TBL1X: variants seen among roughly 807,000 people sequenced by gnomAD.
The protein encoded by TBL1X is transducin beta like 1 X-linked.
In TBL1X, 10 loss-of-function variants were observed where a neutral mutation model predicts 50.7. The ratio of observed to expected loss-of-function variants is 0.20; its 90% CI spans 0.12 to 0.33. The LOEUF (loss-of-function observed/expected upper bound fraction) is 0.33, where lower values mean the gene tolerates loss of function less well. Among genes scored for constraint, TBL1X ranks in the 10% least tolerant of loss-of-function variants. The pLI is 1.00. For missense variants in TBL1X, 340 were observed against 504.4 expected (o/e 0.67, Z 3.12); for synonymous variants, 190 against 214.7 (o/e 0.88, Z 1.01).
At chrX:9,491,334 A>ATTT (rs1403355557) in intron 1 of TBL1X, among the ~76,000 whole-genome samples, 6 of 23,381 alleles carry the variant, frequency 2.6e-4, no homozygotes, top group African/African-American at 7.4e-4. Context: ...ATATATATAT[A>ATTT]TATATTTTTT....
intron 2 of TBL1X, chrX:9,530,985 C>T (rs1235665657): frequency 8.9e-6 from 1 of 112,100 alleles, no homozygotes; most frequent in Non-Finnish European, 1.9e-5. Flanking sequence ...AGCCCCGCCC[C>T]TCCGTCAGCA....
At chrX:9,668,373 G>GAAA (rs749335254) in intron 5 of TBL1X, among the ~76,000 whole-genome samples, 1 of 90,443 alleles carries the variant, frequency 1.1e-5, no homozygotes. Flanking sequence ...ATTGGAATAG[G>GAAA]AAAAAAAAAA....
At chrX:9,486,692 A>G (rs1488525917) in intron 1 of TBL1X, among the ~76,000 whole-genome samples, 1 of 108,485 alleles carries the variant, frequency 9.2e-6, no homozygotes, top group East Asian at 2.9e-4. Flanking sequence ...CCTAAAATGT[A>G]TAAAACCAAG....
chrX:9,659,886 T>G (rs757253112), intron 5 of TBL1X, among the ~76,000 whole-genome samples: 65 of 112,620 alleles, frequency 5.8e-4, no homozygotes, highest in African/African-American at 2.0e-3. Context: ...CAGCTAGCCT[T>G]CTGGACTAAT....
intron 2 of TBL1X, among the ~76,000 whole-genome samples, chrX:9,518,977 G>C (rs935800848): frequency 1.8e-5 from 2 of 110,646 alleles, no homozygotes; most frequent in African/African-American, 6.6e-5. Flanking sequence ...CTACATTCTA[G>C]TGCCTTCTGT....
intron 2 of TBL1X, among the ~76,000 whole-genome samples, chrX:9,515,581 G>T (rs767798850): frequency 8.9e-6 from 1 of 112,081 alleles, no homozygotes; most frequent in Non-Finnish European, 1.9e-5. Flanking sequence ...CAAGAATTCA[G>T]CACAATTTCC....
intron 2 of TBL1X, among the ~76,000 whole-genome samples, chrX:9,591,390 A>G (rs768769511): frequency 8.9e-6 from 1 of 112,141 alleles, no homozygotes; most frequent in South Asian, 3.7e-4. Flanking sequence ...CTTGCTGTAG[A>G]TCCCAATCGA....
chrX:9,659,401 G>A (rs1445368009), intron 5 of TBL1X, among the ~76,000 whole-genome samples: 2 of 112,059 alleles, frequency 1.8e-5, no homozygotes, highest in African/African-American at 6.5e-5. Flanking sequence ...TCAACCTTAT[G>A]CATTTGAGAT....
At position 9,680,716 on chromosome X, in the gene TBL1X, A is replaced by G. The variant is rs149264775; in HGVS notation, c.212-3327A>G. 3.6e-3 allele frequency among the ~76,000 whole-genome samples: 404 copies of G among 111,844 alleles called. 1 individual carries two copies. Among genetic ancestry groups the G allele is most frequent in the African/African-American group, 0.012 (385 of 30,829 alleles). On this transcript the variant is annotated intron_variant, in intron 5 of 17. Transcript: ENST00000645353. ...ATGCAGCTAGTGAAAATTTCAGCAA[A>G]TAGGAGGACTTCTGTTAACCATGGC... is the stretch of plus-strand genomic sequence containing the variant.
At chrX:9,505,883 T>C (rs758229921) in intron 2 of TBL1X, among the ~76,000 whole-genome samples, 76 of 112,046 alleles carry the variant, frequency 6.8e-4, no homozygotes, top group Admixed American at 4.4e-3. Flanking sequence ...ACTGTCAGTA[T>C]TAGGTCAGTG....
intron 2 of TBL1X, among the ~76,000 whole-genome samples, chrX:9,550,074 C>T (rs943444671): frequency 2.7e-5 from 3 of 111,261 alleles, no homozygotes; most frequent in African/African-American, 6.6e-5. Flanking sequence ...ACTCGGTGCC[C>T]GCCTGGAGCA....
chrX:9,512,194 T>C (rs1412028930), intron 2 of TBL1X, among the ~76,000 whole-genome samples: 5 of 111,398 alleles, frequency 4.5e-5, no homozygotes, highest in Admixed American at 9.5e-5. Flanking sequence ...AACATTGATC[T>C]TGATGACACT....
upstream of TBL1X, among the ~76,000 whole-genome samples, chrX:9,464,372 C>CT (rs1018282872): frequency 8.1e-5 from 9 of 111,774 alleles, no homozygotes; most frequent in East Asian, 1.7e-3. Context: ...GCCTGTGTGT[C>CT]TGAGTTTGTC....
chrX:9,640,494 C>G (rs2082770018), intron 3 of TBL1X, 134 bp downstream of exon 3: 1 of 112,396 alleles, frequency 8.9e-6, no homozygotes, highest in African/African-American at 3.2e-5. Flanking sequence ...CGGTCTTTCT[C>G]CTTACTGAAG....
chrX:9,710,490 A>G (rs1370263079), intron 15 of TBL1X, among the ~76,000 whole-genome samples: 1 of 111,299 alleles, frequency 9.0e-6, no homozygotes, highest in Non-Finnish European at 1.9e-5. Context: ...AGTACTACAC[A>G]CTCGAGTTGT....
chrX:9,572,758 A>C (rs1162145003), intron 2 of TBL1X, among the ~76,000 whole-genome samples: 1 of 112,456 alleles, frequency 8.9e-6, no homozygotes, highest in Non-Finnish European at 1.9e-5. Flanking sequence ...TGATGGATCT[A>C]CTCATTTATT....
chrX:9,640,113 C>CA lies in TBL1X; in HGVS notation c.-130-158dup, dbSNP rs199884395. On this transcript the variant is annotated intron_variant, in intron 2 of 17. Coordinates refer to ENST00000645353, the MANE Select transcript of TBL1X (RefSeq NM_005647.4). ...CTTTCACTTTGCAAACAAAACCTTACAATCTGTGCTATGGACTAAGACAGA... is the reference window on the plus strand; with the variant it reads ...CTTTCACTTTGCAAACAAAACCTTACAAATCTGTGCTATGGACTAAGACAGA... 7.7e-3 allele frequency among the ~76,000 whole-genome samples: 858 copies of CA among 112,126 alleles called. 12 individuals are homozygous for CA. Among genetic ancestry groups the CA allele is most frequent in the African/African-American group, 0.025 (784 of 30,850 alleles).
intron 2 of TBL1X, among the ~76,000 whole-genome samples, chrX:9,557,776 C>T (rs1477041590): frequency 9.0e-6 from 1 of 111,456 alleles, no homozygotes; most frequent in Non-Finnish European, 1.9e-5. Context: ...GGAGTGATGC[C>T]AGAGGGAAGA....
At chrX:9,565,358 A>G (rs936249750) in intron 2 of TBL1X, among the ~76,000 whole-genome samples, 1 of 110,321 alleles carries the variant, frequency 9.1e-6, no homozygotes, top group Non-Finnish European at 1.9e-5. Context: ...TATATGTGAA[A>G]TATTGATTTA....
Sources: gnomAD v4.1 joint callset for allele counts (sites outside exome capture counted in the v4.1 genomes callset) on GRCh38, gnomAD v4.1.1 for gene constraint, MANE v1.5 for transcripts, NCBI Gene and HGNC (gene_info 2026-07-23, HGNC 2026-07-21) for gene names.